The following TEC variants were observed in gnomAD, a reference collection of about 807,000 sequenced individuals.
TEC encodes the protein tyrosine-protein kinase Tec.
TEC carries 72 observed loss-of-function variants against 93.0 expected under a neutral mutation model. The ratio of observed to expected loss-of-function variants is 0.77; its 90% CI spans 0.64 to 0.94. TEC has a LOEUF of 0.94. TEC is among the 40% of genes least tolerant of loss of function. TEC has a pLI of 0.00. For missense variants in TEC, 630 were observed against 757.9 expected (o/e 0.83, Z 1.98); for synonymous variants, 249 against 247.7 (o/e 1.01, Z -0.05).
intron 1 of TEC, among the ~76,000 whole-genome samples, chr4:48,252,238 ATG>A (rs1414244928): frequency 6.6e-6 from 1 of 152,264 alleles, no homozygotes; most frequent in Non-Finnish European, 1.5e-5. Flanking sequence ...AGTGCTTAGT[ATG>A]GCACATGGAT....
At chr4:48,205,502 C>T (rs374750348) in intron 2 of TEC, among the ~76,000 whole-genome samples, 14 of 152,358 alleles carry the variant, frequency 9.2e-5, no homozygotes, top group African/African-American at 3.4e-4. Context: ...TAGCACATCA[C>T]TGTCCCCTGC....
chr4:48,171,019 C>A (rs1301979663), intron 4 of TEC, among the ~76,000 whole-genome samples: 1 of 152,046 alleles, frequency 6.6e-6, no homozygotes, highest in East Asian at 1.9e-4. Flanking sequence ...CCACTGCACT[C>A]CAGCCTGGGT....
intron 1 of TEC, among the ~76,000 whole-genome samples, chr4:48,265,943 G>C (rs545913410): frequency 3.3e-5 from 5 of 152,252 alleles, no homozygotes; most frequent in African/African-American, 1.2e-4. Flanking sequence ...GACTGTGGAG[G>C]CCAAGAGAAA....
At chr4:48,178,115 C>T (rs144775959) in intron 2 of TEC, among the ~76,000 whole-genome samples, 105 of 152,292 alleles carry the variant, frequency 6.9e-4, no homozygotes, top group Admixed American at 1.4e-3. Context: ...TATGGAAGGT[C>T]ACACACACAA....
At position 48,227,738 on chromosome 4, in the gene TEC, T is replaced by G. The variant is rs565573620; in HGVS notation, c.138+739A>C. On this transcript the variant is annotated intron_variant, in intron 2 of 17. Transcript: ENST00000381501. ...GGTTAGCCATGGGCAACCCAGCCCCTGGTCATTTCCTGGAAACCAAGGATA... is the reference window on the plus strand; with the variant it reads ...GGTTAGCCATGGGCAACCCAGCCCCGGGTCATTTCCTGGAAACCAAGGATA... Among the ~76,000 whole-genome samples the G allele has an allele frequency of 6.4e-4, 97 of 151,180 alleles. 1 individual carries two copies. Among genetic ancestry groups the G allele is most frequent in the Non-Finnish European group, 6.5e-4 (44 of 67,904 alleles).
intron 1 of TEC, among the ~76,000 whole-genome samples, chr4:48,238,079 G>C (rs1003332712): frequency 7.2e-5 from 11 of 152,084 alleles, no homozygotes; most frequent in African/African-American, 2.7e-4. Flanking sequence ...TTTGTAAAAG[G>C]GGATTAAATA....
intron 1 of TEC, among the ~76,000 whole-genome samples, chr4:48,244,537 A>C (rs1424652328): frequency 6.6e-6 from 1 of 152,252 alleles, no homozygotes; most frequent in Non-Finnish European, 1.5e-5. Flanking sequence ...CCCTCCCACA[A>C]CACGTGGGAA....
chr4:48,144,203 A>T (rs1434883686), intron 14 of TEC, among the ~76,000 whole-genome samples: 2 of 152,186 alleles, frequency 1.3e-5, no homozygotes, highest in Admixed American at 1.3e-4. Context: ...AGACAAAGTG[A>T]GACCTGTCTC....
chr4:48,251,238 C>T (rs766359581), intron 1 of TEC, among the ~76,000 whole-genome samples: 5 of 152,160 alleles, frequency 3.3e-5, no homozygotes, highest in African/African-American at 7.2e-5. Flanking sequence ...AGCCTTCTTC[C>T]TATTCTTCAA....
At chr4:48,185,996 T>C (rs1021360419) in intron 2 of TEC, among the ~76,000 whole-genome samples, 15 of 152,188 alleles carry the variant, frequency 9.9e-5, no homozygotes, top group Admixed American at 2.0e-4. Context: ...TGCCTGGGAT[T>C]GCAGGCGCGC....
intron 2 of TEC, among the ~76,000 whole-genome samples, chr4:48,215,672 C>T (rs56156164): frequency 0.08 from 12,179 of 152,150 alleles, 678 homozygotes; most frequent in East Asian, 0.31. Context: ...ATGGGTTTAT[C>T]AAGAGGTAAC....
At chr4:48,168,300 A>T (rs1720956471) in intron 6 of TEC, among the ~76,000 whole-genome samples, 1 of 152,136 alleles carries the variant, frequency 6.6e-6, no homozygotes, top group South Asian at 2.1e-4. Context: ...TATTTATCTA[A>T]ATCCCACTCC....
chr4:48,145,684 G>C, intron 12 of TEC, 105 bp from the exon 13 acceptor site: 1 of 1,196,490 alleles, frequency 8.4e-7, no homozygotes, highest in Non-Finnish European at 1.2e-6. Context: ...CAAAATTACA[G>C]GATAACACTG....
intron 1 of TEC, among the ~76,000 whole-genome samples, chr4:48,254,231 T>C (rs36076484): frequency 0.22 from 33,093 of 152,006 alleles, 4,411 homozygotes; most frequent in Middle Eastern, 0.31. Context: ...GGTGAGTCAA[T>C]CAGGGAGAAT....
chr4:48,174,660 A>C (rs1721248330), intron 3 of TEC, among the ~76,000 whole-genome samples: 2 of 125,120 alleles, frequency 1.6e-5, no homozygotes, highest in Admixed American at 8.5e-5. Flanking sequence ...CTCCATCTCA[A>C]AGGAAAAAAA....
intron 2 of TEC, among the ~76,000 whole-genome samples, chr4:48,199,459 T>C (rs896158370): frequency 2.9e-5 from 3 of 103,884 alleles, no homozygotes; most frequent in Admixed American, 9.8e-5. Context: ...TTCTTTCTTT[T>C]TTTTTTTTTT....
intron 11 of TEC, among the ~76,000 whole-genome samples, chr4:48,147,813 G>A (rs1719983245): frequency 6.6e-6 from 1 of 152,110 alleles, no homozygotes; most frequent in African/African-American, 2.4e-5. Flanking sequence ...CTCAATAATA[G>A]GTAGAAGTTA....
chr4:48,254,578 G>C (rs1053533264), intron 1 of TEC, among the ~76,000 whole-genome samples: 1 of 152,194 alleles, frequency 6.6e-6, no homozygotes, highest in African/African-American at 2.4e-5. Flanking sequence ...AAAGGCTGGT[G>C]GCCAAAAAAA....
At chr4:48,173,250 G>A (rs985724330) in intron 3 of TEC, among the ~76,000 whole-genome samples, 2 of 151,990 alleles carry the variant, frequency 1.3e-5, no homozygotes, top group African/African-American at 2.4e-5. Context: ...TGTCAGTACC[G>A]TGAGCCTGTG....
Sources: allele counts gnomAD v4.1 joint callset (sites outside exome capture counted in the v4.1 genomes callset), GRCh38; gene constraint gnomAD v4.1.1; transcripts MANE v1.5; gene names NCBI Gene and HGNC (gene_info 2026-07-23, HGNC 2026-07-21).